Variants in DNAH9 observed in about 807,000 individuals in gnomAD.
DNAH9 encodes the protein dynein axonemal heavy chain 9.
DNAH9 carries 345 observed loss-of-function variants against 471.6 expected under a neutral mutation model. The observed-to-expected ratio is 0.73, with a 90% confidence interval of 0.67 to 0.80. The LOEUF is 0.80. DNAH9 is among the 30% of genes least tolerant of loss of function. The pLI is 0.00. For missense variants in DNAH9, 5,407 were observed against 5,609.2 expected, an observed-to-expected ratio of 0.96 and a Z score of 1.15; for synonymous variants, 2,093 against 2,123.6, an observed-to-expected ratio of 0.99 and a Z score of 0.40.
At position 11,629,497 on chromosome 17, in the gene DNAH9, G is replaced by T. The variant is rs756414051; in HGVS notation, c.1431G>T (p.Gln477His). 1.2e-6 allele frequency: 2 copies of T among 1,614,128 alleles called. No individual in the cohort carries two copies. The highest frequency in any genetic ancestry group is 3.3e-5 in the Admixed American group (2 of 60,024). ...FSGVRGNALS[Q>H]QVQQMHEEFQ... ...GCGTCAGAGGGAATGCTCTGAGTCA[G>T]CAGGTCCAGCAAATGCATGAAGAAT... The change falls in exon 7 of 69, where the codon CAG becomes CAT. Residue 477 changes from glutamine to histidine, a missense_variant. Physicochemically the swap from Gln to His is conservative, Grantham distance 24 (BLOSUM62 0). This residue lies in a region of DNAH9 where 767 missense variants were observed against 692.5 expected (regional missense o/e 1.11). Transcript: ENST00000262442.
At chr17:11,866,499 C>A (rs866811428) in intron 50 of DNAH9, among the ~76,000 whole-genome samples, 1 of 152,126 alleles carries the variant, frequency 6.6e-6, no homozygotes, top group Non-Finnish European at 1.5e-5. Context: ...GCAGTCTGCC[C>A]GTTCTCAGAT....
At chr17:11,964,391 T>C (rs562996997) in intron 68 of DNAH9, among the ~76,000 whole-genome samples, 1 of 152,282 alleles carries the variant, frequency 6.6e-6, no homozygotes, top group East Asian at 1.9e-4. Context: ...GGGGGAATGA[T>C]ATCAGTTTCA....
chr17:11,736,675 A>G lies in DNAH9; in HGVS notation c.5815-2205A>G, dbSNP rs972830898. On this transcript the variant is annotated intron_variant, in intron 28 of 68. Transcript: ENST00000262442. ...GCACCGATGCTCCAACATTAACTGC[A>G]TCTTTGAGTCTGTTCAACACTCTCC... is the stretch of plus-strand genomic sequence containing the variant. Among the ~76,000 whole-genome samples the G allele has an allele frequency of 3.9e-5, 6 of 152,200 alleles. No individual in the cohort carries two copies. In the South Asian group the frequency reaches 6.2e-4, roughly 16 times the overall value.
Position 11,962,711 on chromosome 17 carries a change from T to G in DNAH9, c.13233+455T>G, listed in dbSNP as rs1019542058. 5.3e-5 allele frequency among the ~76,000 whole-genome samples: 8 copies of G among 152,134 alleles called. No homozygotes were observed. The highest frequency in any genetic ancestry group is 2.1e-4 in the South Asian group (1 of 4,826). ...GCTGCTGTGTGTCTGTCGCCCAGGC[T>G]GGAGTACAGTGGCACGATCTTAGCT... On this transcript the variant is annotated intron_variant, in intron 68 of 68. Transcript: ENST00000262442. This position sits in a 1 kb window ranked among gnomAD's most constrained non-coding sequence, Gnocchi z 4.1.
chr17:11,781,873 G>A (rs76934479), intron 39 of DNAH9, among the ~76,000 whole-genome samples: 2,778 of 147,636 alleles, frequency 0.019, 99 homozygotes, highest in African/African-American at 0.069. Flanking sequence ...CAAACACCCG[G>A]TACCATGCAC....
intron 61 of DNAH9, among the ~76,000 whole-genome samples, chr17:11,913,187 G>A (rs997399971): frequency 2.0e-5 from 3 of 152,080 alleles, no homozygotes; most frequent in Non-Finnish European, 4.4e-5. Context: ...AAAAGATTTT[G>A]TAAAGTATTA....
intron 4 of DNAH9, among the ~76,000 whole-genome samples, chr17:11,613,142 C>T (rs955427208): frequency 2.6e-5 from 4 of 152,166 alleles, no homozygotes; most frequent in Non-Finnish European, 4.4e-5. Context: ...TCTCCCAGCA[C>T]GTTTGGCTGG....
At chr17:11,748,166 A>T (rs1235529691) in intron 32 of DNAH9, among the ~76,000 whole-genome samples, 1 of 150,146 alleles carries the variant, frequency 6.7e-6, no homozygotes, top group African/African-American at 2.4e-5. Flanking sequence ...AAAAAAAAAA[A>T]AAAAAAAAAA....
chr17:11,942,794 C>T (rs1974971632), intron 67 of DNAH9, among the ~76,000 whole-genome samples: 1 of 152,126 alleles, frequency 6.6e-6, no homozygotes, highest in Non-Finnish European at 1.5e-5. Flanking sequence ...AGCACAGAGC[C>T]TGTTAATTAC....
chr17:11,863,085 T>C (rs974483303), intron 50 of DNAH9, among the ~76,000 whole-genome samples: 18 of 152,174 alleles, frequency 1.2e-4, no homozygotes, highest in African/African-American at 4.1e-4. Context: ...GAGAGGGCGT[T>C]CCTGTCTTGT....
At chr17:11,680,506 T>C (rs761578776) in intron 18 of DNAH9, among the ~76,000 whole-genome samples, 3 of 152,066 alleles carry the variant, frequency 2.0e-5, no homozygotes, top group Non-Finnish European at 4.4e-5. Context: ...AGAAGGTTAG[T>C]GTAGAGTGAG....
At chr17:11,869,392 A>G (rs1230176115) in intron 51 of DNAH9, 139 bp downstream of exon 51, 6 of 1,268,494 alleles carry the variant, frequency 4.7e-6, no homozygotes, top group Non-Finnish European at 6.4e-6. Flanking sequence ...AAATGCAGGA[A>G]TTGAGTCCTG....
intron 53 of DNAH9, among the ~76,000 whole-genome samples, chr17:11,878,254 A>G (rs1291563135): frequency 6.6e-6 from 1 of 152,158 alleles, no homozygotes; most frequent in Non-Finnish European, 1.5e-5. Context: ...GTTCATGTCC[A>G]TTAACTACTT....
chr17:11,634,490 G>A (rs931545123), intron 8 of DNAH9, among the ~76,000 whole-genome samples: 6 of 152,122 alleles, frequency 3.9e-5, no homozygotes, highest in African/African-American at 1.4e-4. Flanking sequence ...TGAACAGACG[G>A]TGCAGGTTGG....
At chr17:11,839,472 C>T (rs998046181) in intron 49 of DNAH9, among the ~76,000 whole-genome samples, 2 of 151,458 alleles carry the variant, frequency 1.3e-5, no homozygotes, top group South Asian at 2.1e-4. Flanking sequence ...GCCGAGATCG[C>T]GCCACTGCAC....
chr17:11,656,572 A>G (rs1272684949), intron 14 of DNAH9, among the ~76,000 whole-genome samples: 1 of 152,206 alleles, frequency 6.6e-6, no homozygotes, highest in Non-Finnish European at 1.5e-5. Flanking sequence ...ATATTTGGGT[A>G]CAGTTGGTTA....
chr17:11,689,094 CAAA>C (rs113884616), intron 19 of DNAH9, among the ~76,000 whole-genome samples: 1 of 147,398 alleles, frequency 6.8e-6, no homozygotes, highest in Non-Finnish European at 1.5e-5. Flanking sequence ...GACTCTGTCT[CAAA>C]AAAAAAATAA....
At chr17:11,633,184 G>A (rs758264014) in intron 8 of DNAH9, among the ~76,000 whole-genome samples, 10 of 152,288 alleles carry the variant, frequency 6.6e-5, no homozygotes, top group South Asian at 2.1e-4. Flanking sequence ...AGGACAAGGC[G>A]TAGATGATGC....
chr17:11,733,134 C>T (rs752542675), intron 28 of DNAH9, among the ~76,000 whole-genome samples: 9 of 152,194 alleles, frequency 5.9e-5, no homozygotes, highest in Non-Finnish European at 1.3e-4. Context: ...CAGTGGGAAG[C>T]GTGGAGCGGG....
Sources: gnomAD v4.1 joint callset for allele counts (sites outside exome capture counted in the v4.1 genomes callset) on GRCh38, gnomAD v4.1.1 for gene constraint, gnomAD v4.1.1 regional missense constraint, Gnocchi (gnomAD v3.1) non-coding constraint, MANE v1.5 for transcripts, NCBI Gene and HGNC (gene_info 2026-07-23, HGNC 2026-07-21) for gene names.